KIF6: variants seen among roughly 807,000 people sequenced by gnomAD.
KIF6 encodes the protein kinesin-like protein KIF6.
Under a neutral mutation model 112.7 loss-of-function variants are expected in KIF6, and 106 were observed. That is an observed-to-expected ratio of 0.94 (90% CI 0.80 to 1.11). The LOEUF (loss-of-function observed/expected upper bound fraction) is 1.11. Ranked by LOEUF, KIF6 falls within the 50% of genes least tolerant of loss-of-function variation. The pLI is 0.00. For missense variants in KIF6, 929 were observed against 964.0 expected (o/e 0.96, Z 0.48); for synonymous variants, 339 against 339.9 (o/e 1.00, Z 0.03).
At chr6:39,531,382 A>C (rs1778051189) in intron 13 of KIF6, among the ~76,000 whole-genome samples, 1 of 152,126 alleles carries the variant, frequency 6.6e-6, no homozygotes. Flanking sequence ...TGCTGTGGGG[A>C]AGAAGAATTA....
At position 39,620,085 on chromosome 6, in the gene KIF6, T is replaced by C. The variant is rs138670784; in HGVS notation, c.510-6767A>G. ...CTTTTCCAAAAGTGAATATTTTAGA[T>C]AATCAAAAAACTGTGCTTGTTACGC... On this transcript the variant is annotated intron_variant, in intron 5 of 22. Coordinates refer to ENST00000287152, the MANE Select transcript of KIF6 (RefSeq NM_145027.6). Among the ~76,000 whole-genome samples the C allele has an allele frequency of 4.3e-3, 659 of 152,272 alleles. 5 individuals are homozygous for C. The highest frequency in any genetic ancestry group is 0.015 in the African/African-American group (608 of 41,570).
intron 3 of KIF6, among the ~76,000 whole-genome samples, chr6:39,671,106 C>T (rs577311554): frequency 3.9e-5 from 6 of 152,028 alleles, no homozygotes; most frequent in Non-Finnish European, 8.8e-5. Context: ...GTTCAGTTGG[C>T]GAAATGATGC....
intron 6 of KIF6, among the ~76,000 whole-genome samples, chr6:39,612,394 C>G (rs1476471992): frequency 6.6e-6 from 1 of 152,136 alleles, no homozygotes; most frequent in Non-Finnish European, 1.5e-5. Context: ...CCACCACCAC[C>G]ACCACCATCC....
At chr6:39,711,536 GATTTTTAAA>G (rs1029980317) in intron 3 of KIF6, among the ~76,000 whole-genome samples, 25 of 151,966 alleles carry the variant, frequency 1.6e-4, no homozygotes, top group African/African-American at 6.0e-4. Flanking sequence ...ATGCCCAGCT[GATTTTTAAA>G]ATTATTTACA....
intron 13 of KIF6, among the ~76,000 whole-genome samples, chr6:39,483,803 A>G (rs755373252): frequency 6.6e-5 from 10 of 152,236 alleles, no homozygotes; most frequent in Non-Finnish European, 1.0e-4. Flanking sequence ...TTTCAGGATC[A>G]GTAAATGAAA....
intron 3 of KIF6, 76 bp from the exon 4 acceptor site, chr6:39,639,833 A>C (rs1784817393): frequency 4.6e-6 from 6 of 1,311,678 alleles, no homozygotes; most frequent in Non-Finnish European, 5.3e-6. Flanking sequence ...GTATTCTAAT[A>C]ACAATCTTAT....
Position 39,586,334 on chromosome 6 carries a change from A to T in KIF6, c.917T>A (p.Leu306Gln). Residue 306 changes from leucine to glutamine, a missense_variant, in exon 8 of 23, where the codon CTA (leucine) becomes CAA (glutamine). Around this residue, in one of 2 missense-constraint regions of KIF6, gnomAD observed 688 missense variants for 662.7 expected, o/e 1.04. Coordinates refer to ENST00000287152, the MANE Select transcript of KIF6 (RefSeq NM_145027.6). ...GCAGTTCCCTCCCAAACTGTCTCTTAGGACACTGGTCATCATGGAGTTTCT... is the reference window on the plus strand; with the variant it reads ...GCAGTTCCCTCCCAAACTGTCTCTTTGGACACTGGTCATCATGGAGTTTCT... ...PYRNSMMTSVLRDSLGGNCMT... is the reference protein window; with the variant it reads ...PYRNSMMTSVQRDSLGGNCMT... 1 of 1,614,030 alleles carries T rather than the reference A, an allele frequency of 6.2e-7. No homozygotes were observed. Among genetic ancestry groups the T allele is most frequent in the Non-Finnish European group, 8.5e-7 (1 of 1,179,854 alleles).
intron 15 of KIF6, among the ~76,000 whole-genome samples, chr6:39,407,905 C>T (rs761514265): frequency 6.6e-6 from 1 of 152,062 alleles, no homozygotes; most frequent in Non-Finnish European, 1.5e-5. Context: ...CAGTACCTCC[C>T]AATTTAAAGC....
chr6:39,497,773 G>C (rs938835408), intron 13 of KIF6, among the ~76,000 whole-genome samples: 13 of 152,130 alleles, frequency 8.5e-5, no homozygotes, highest in African/African-American at 3.1e-4. Context: ...ATAATGTTCT[G>C]ACAGATTCCA....
At chr6:39,371,471 G>T (rs142514350) in intron 16 of KIF6, among the ~76,000 whole-genome samples, 287 of 152,296 alleles carry the variant, frequency 1.9e-3, no homozygotes, top group Non-Finnish European at 3.0e-3. Flanking sequence ...CTCTGCGGGG[G>T]TCACAAGCTG....
At position 39,385,094 on chromosome 6, in the gene KIF6, T is replaced by A. The variant is rs867916763; in HGVS notation, c.1861+528A>T. On this transcript the variant is annotated intron_variant, in intron 16 of 22. Coordinates refer to ENST00000287152, the MANE Select transcript of KIF6 (RefSeq NM_145027.6). ...CACCAAGCTTGGAACAGAACTGGGTTCAAATACTTGTTTCAACACTCACTG... is the reference window on the plus strand; with the variant it reads ...CACCAAGCTTGGAACAGAACTGGGTACAAATACTTGTTTCAACACTCACTG... Among the ~76,000 whole-genome samples, 11 of 152,202 alleles carry A rather than the reference T, an allele frequency of 7.2e-5. No homozygotes were observed. The South Asian group carries it at 2.1e-3, about 29-fold the overall frequency.
At chr6:39,500,670 G>A (rs893009885) in intron 13 of KIF6, among the ~76,000 whole-genome samples, 13 of 152,134 alleles carry the variant, frequency 8.5e-5, no homozygotes, top group African/African-American at 2.2e-4. Context: ...AAGGTTAAAC[G>A]GTAATGTAAG....
intron 16 of KIF6, among the ~76,000 whole-genome samples, chr6:39,374,218 A>C (rs1766252826): frequency 6.6e-6 from 1 of 152,198 alleles, no homozygotes; most frequent in African/African-American, 2.4e-5. Flanking sequence ...CATAAAGAAA[A>C]ATTACCTCAA....
intron 13 of KIF6, among the ~76,000 whole-genome samples, chr6:39,454,338 CAT>C (rs1310904815): frequency 1.3e-5 from 2 of 151,938 alleles, no homozygotes; most frequent in African/African-American, 4.8e-5. Context: ...AGATCCAACA[CAT>C]GTGTAATAGG....
chr6:39,564,027 A>C (rs1780154550), intron 10 of KIF6, among the ~76,000 whole-genome samples: 1 of 152,248 alleles, frequency 6.6e-6, no homozygotes. Flanking sequence ...CAGGAAAAAG[A>C]GGAAACTTGT....
intron 13 of KIF6, among the ~76,000 whole-genome samples, chr6:39,464,229 G>C (rs1773656750): frequency 6.6e-6 from 1 of 152,182 alleles, no homozygotes; most frequent in African/African-American, 2.4e-5. Context: ...CTGAGCAGTG[G>C]AGGGTGATTA....
chr6:39,360,582 A>G, intron 17 of KIF6, 52 bp from the exon 18 acceptor site: 1 of 1,609,354 alleles, frequency 6.2e-7, no homozygotes, highest in Non-Finnish European at 8.5e-7. Context: ...AAAGCACGGC[A>G]TGGATGCAGG....
chr6:39,438,379 A>G (rs1465311769), intron 13 of KIF6, among the ~76,000 whole-genome samples: 1 of 152,230 alleles, frequency 6.6e-6, no homozygotes, highest in Non-Finnish European at 1.5e-5. Context: ...AGAAGAAGGC[A>G]TTGTTATCAT....
At chr6:39,652,588 A>G (rs539678671) in intron 3 of KIF6, among the ~76,000 whole-genome samples, 1 of 152,242 alleles carries the variant, frequency 6.6e-6, no homozygotes, top group South Asian at 2.1e-4. Context: ...TTAGTCTTAA[A>G]GCAATCACCA....
Sources: allele counts gnomAD v4.1 joint callset (sites outside exome capture counted in the v4.1 genomes callset), GRCh38; gene constraint gnomAD v4.1.1; regional missense constraint gnomAD v4.1.1; transcripts MANE v1.5; gene names NCBI Gene and HGNC (gene_info 2026-07-23, HGNC 2026-07-21).